Variants in ZDHHC21 observed in about 807,000 individuals in gnomAD.
The protein encoded by ZDHHC21 is palmitoyltransferase ZDHHC21.
In ZDHHC21, 15 loss-of-function variants were observed where a neutral mutation model predicts 34.6. The ratio of observed to expected loss-of-function variants is 0.43; its 90% CI spans 0.29 to 0.67. The LOEUF is 0.67. ZDHHC21 is among the 30% of genes least tolerant of loss of function. The probability of loss-of-function intolerance (pLI) is 0.14; values close to 1 mark genes in which losing one functional copy is unlikely to be tolerated. For synonymous variants in ZDHHC21, 142 were observed against 101.8 expected, an observed-to-expected ratio of 1.40 and a Z score of -2.38; for missense variants, 344 against 327.7, an observed-to-expected ratio of 1.05 and a Z score of -0.38.
chr9:14,686,061 G>T (rs971350403), intron 2 of ZDHHC21, among the ~76,000 whole-genome samples: 2 of 151,872 alleles, frequency 1.3e-5, no homozygotes, highest in Non-Finnish European at 2.9e-5. Context: ...GTCGTGGGGT[G>T]GGGGAGGGGG....
rs542885063 is a variant in ZDHHC21 at position 14,617,389 on chromosome 9, T to G, written c.*1577A>C. The G allele has an allele frequency of 6.6e-6, 1 of 152,142 alleles. No individual in the cohort carries two copies. The highest frequency in any genetic ancestry group is 1.9e-4 in the East Asian group (1 of 5,176). 9.4% of individuals were successfully genotyped at this position (152,142 alleles called of 1,614,324 possible). ...ACATCTCTGAGAAGAACTTACTCTA[T>G]TATTTCAGAATATGCTACAAGATAT... On this transcript the variant is annotated 3_prime_UTR_variant, in exon 10 of 10. Coordinates refer to ENST00000380916, the MANE Select transcript of ZDHHC21 (RefSeq NM_178566.6).
intron 6 of ZDHHC21, among the ~76,000 whole-genome samples, chr9:14,660,697 T>C (rs1351962307): frequency 1.3e-5 from 2 of 152,026 alleles, no homozygotes; most frequent in Non-Finnish European, 2.9e-5. Flanking sequence ...ACTAAAACTA[T>C]GGAAGCAAGA....
intron 7 of ZDHHC21, among the ~76,000 whole-genome samples, chr9:14,648,570 G>C (rs1830666627): frequency 6.6e-6 from 1 of 152,082 alleles, no homozygotes. Context: ...AGCGTCACTA[G>C]AGAAAGGTCT....
Position 14,664,529 on chromosome 9 carries a change from C to G in ZDHHC21, c.254-2203G>C, listed in dbSNP as rs544117271. Among the ~76,000 whole-genome samples, 3 of 151,702 alleles carry G rather than the reference C, an allele frequency of 2.0e-5. No homozygotes were observed. The South Asian group carries it at 6.3e-4, about 32-fold the overall frequency. ...ACCACAGCTCAAGGAGGCCTGCCTG[C>G]CTCTGTAGGCTCCACCTCTGGGGGC... On this transcript the variant is annotated intron_variant, in intron 5 of 9. Transcript: ENST00000380916.
the ZDHHC21 span, among the ~76,000 whole-genome samples, chr9:14,594,997 G>A: frequency 6.6e-6 from 1 of 152,040 alleles, no homozygotes; most frequent in African/African-American, 2.4e-5. Flanking sequence ...TATTAACTTG[G>A]ATGGCTATAA....
intron 2 of ZDHHC21, among the ~76,000 whole-genome samples, chr9:14,682,075 A>G (rs985280027): frequency 6.6e-6 from 1 of 152,190 alleles, no homozygotes; most frequent in Admixed American, 6.5e-5. Context: ...GGTACCAGCC[A>G]CTGCAAAAAT....
At position 14,640,819 on chromosome 9, in the gene ZDHHC21, G is replaced by C. The variant is rs535748581; in HGVS notation, c.505-807C>G. Among the ~76,000 whole-genome samples the C allele has an allele frequency of 2.0e-5, 3 of 152,266 alleles. No individual in the cohort carries two copies. In the East Asian group the frequency reaches 5.8e-4, roughly 29 times the overall value. ...TTAAAGGCAGGTCTTCTGGCTCAGA[G>C]ATTGAAAATGAGGGTCCTAAAAGTA... is the stretch of plus-strand genomic sequence containing the variant. On this transcript the variant is annotated intron_variant, in intron 7 of 9. Coordinates refer to ENST00000380916, the MANE Select transcript of ZDHHC21 (RefSeq NM_178566.6).
At chr9:14,682,008 C>T (rs1218024617) in intron 2 of ZDHHC21, among the ~76,000 whole-genome samples, 1 of 152,088 alleles carries the variant, frequency 6.6e-6, no homozygotes, top group Non-Finnish European at 1.5e-5. Flanking sequence ...TTGGTCACCA[C>T]CAGGCCTGCC....
chr9:14,588,813 G>A, the ZDHHC21 span: 1 of 152,020 alleles, frequency 6.6e-6, no homozygotes, highest in African/African-American at 2.4e-5. Context: ...ATCAACTCTG[G>A]CTTTATTTCA....
Position 14,616,216 on chromosome 9 carries a change from A to G in ZDHHC21, c.*2750T>C, listed in dbSNP as rs1008761912. The G allele has an allele frequency of 6.6e-6, 1 of 151,752 alleles. No homozygotes were observed. Among genetic ancestry groups the G allele is most frequent in the Non-Finnish European group, 1.5e-5 (1 of 67,754 alleles). 9.4% of individuals were successfully genotyped at this position (151,752 alleles called of 1,614,324 possible). ...ACAATACATTTCTATGTTTTGTAATAAATTGGTAATTTCAAAGTAACAGCT... is the reference window on the plus strand; with the variant it reads ...ACAATACATTTCTATGTTTTGTAATGAATTGGTAATTTCAAAGTAACAGCT... On this transcript the variant is annotated 3_prime_UTR_variant, in exon 10 of 10. Coordinates refer to ENST00000380916, the MANE Select transcript of ZDHHC21 (RefSeq NM_178566.6).
chr9:14,670,117 C>G (rs1434740835), intron 5 of ZDHHC21, among the ~76,000 whole-genome samples: 1 of 152,018 alleles, frequency 6.6e-6, no homozygotes, highest in African/African-American at 2.4e-5. Context: ...CCAATTTTCA[C>G]TAAAAGGCGA....
chr9:14,637,481 A>C (rs1828516958), intron 8 of ZDHHC21, among the ~76,000 whole-genome samples: 1 of 152,082 alleles, frequency 6.6e-6, no homozygotes, highest in Non-Finnish European at 1.5e-5. Flanking sequence ...AATAAGTAGA[A>C]CTAACACCAA....
chr9:14,688,900 C>A (rs1405879505), intron 2 of ZDHHC21, among the ~76,000 whole-genome samples: 1 of 151,954 alleles, frequency 6.6e-6, no homozygotes, highest in South Asian at 2.1e-4. Context: ...GAAAACCAGC[C>A]GGGTGTGGTG....
At chr9:14,620,541 C>T (rs1246277077) in intron 8 of ZDHHC21, among the ~76,000 whole-genome samples, 5 of 136,038 alleles carry the variant, frequency 3.7e-5, no homozygotes, top group Admixed American at 1.5e-4. Flanking sequence ...TTTACCTTAA[C>T]ACTTTGTTTA....
chr9:14,657,749 G>C (rs887065350), intron 7 of ZDHHC21, among the ~76,000 whole-genome samples: 4 of 152,022 alleles, frequency 2.6e-5, no homozygotes, highest in African/African-American at 9.7e-5. Context: ...TTACCTCTTA[G>C]CCTGTCTTTG....
chr9:14,640,118 TAAAAG>T, intron 7 of ZDHHC21, 106 bp from the exon 8 acceptor site: 1 of 567,196 alleles, frequency 1.8e-6, no homozygotes, highest in Non-Finnish European at 3.1e-6. Flanking sequence ...CTTATTATCT[TAAAAG>T]AACTACCTCT....
At chr9:14,688,291 C>A (rs912934069) in intron 2 of ZDHHC21, among the ~76,000 whole-genome samples, 2 of 150,840 alleles carry the variant, frequency 1.3e-5, no homozygotes, top group African/African-American at 5.0e-5. Context: ...GGCAAAGCAG[C>A]GCCTCCAAAA....
intron 7 of ZDHHC21, among the ~76,000 whole-genome samples, chr9:14,644,939 T>A (rs918027353): frequency 6.6e-6 from 1 of 152,052 alleles, no homozygotes; most frequent in African/African-American, 2.4e-5. Context: ...GAGGCTCATA[T>A]AAACAGAGCA....
chr9:14,642,103 T>C (rs1192854525), intron 7 of ZDHHC21, among the ~76,000 whole-genome samples: 2 of 152,216 alleles, frequency 1.3e-5, no homozygotes, highest in East Asian at 1.9e-4. Context: ...GACTAAAAGA[T>C]CTACTTATAA....
Sources: allele counts gnomAD v4.1 joint callset (sites outside exome capture counted in the v4.1 genomes callset), GRCh38; gene constraint gnomAD v4.1.1; transcripts MANE v1.5; gene names NCBI Gene and HGNC (gene_info 2026-07-23, HGNC 2026-07-21).